Variants in ARFGEF1 observed in about 807,000 individuals in gnomAD.
ARFGEF1 encodes brefeldin A-inhibited guanine nucleotide-exchange protein 1.
Under a neutral mutation model 231.0 loss-of-function variants are expected in ARFGEF1, and 42 were observed. The ratio of observed to expected loss-of-function variants is 0.18; its 90% CI spans 0.14 to 0.24. ARFGEF1 has a LOEUF of 0.24. Ranked by LOEUF, ARFGEF1 falls within the 10% of genes least tolerant of loss-of-function variation. ARFGEF1 has a pLI of 1.00. For synonymous variants in ARFGEF1, 710 were observed against 732.3 expected, an observed-to-expected ratio of 0.97 and a Z score of 0.49; for missense variants, 1,345 against 2,192.0, an observed-to-expected ratio of 0.61 and a Z score of 7.72.
At chr8:67,288,233 C>T (rs1177475514) in intron 6 of ARFGEF1, among the ~76,000 whole-genome samples, 168 bp from the exon 7 acceptor site, 1 of 151,610 alleles carries the variant, frequency 6.6e-6, no homozygotes. Context: ...AAATGTATAC[C>T]AAAACTTAAA....
At chr8:67,183,906 G>A (rs1160586428) in intron 5 of ARFGEF1, among the ~76,000 whole-genome samples, 5 of 143,118 alleles carry the variant, frequency 3.5e-5, no homozygotes, top group South Asian at 2.2e-4. Flanking sequence ...AGGCTGGAGC[G>A]TGATGGCGTG....
chr8:67,216,429 G>A (rs74511522), intron 33 of ARFGEF1, among the ~76,000 whole-genome samples, 161 bp downstream of exon 33: 1,659 of 151,634 alleles, frequency 0.011, 30 homozygotes, highest in African/African-American at 0.038. Context: ...CCCAGCCTTC[G>A]TAATTGTAAA....
At chr8:67,257,680 A>C in intron 17 of ARFGEF1, 52 bp downstream of exon 17, 5 of 1,325,256 alleles carry the variant, frequency 3.8e-6, no homozygotes, top group Non-Finnish European at 5.3e-6. Context: ...ATTCAGAATA[A>C]TGTACTTATT....
intron 5 of ARFGEF1, among the ~76,000 whole-genome samples, chr8:67,176,439 T>C (rs1831655135): frequency 6.6e-6 from 1 of 152,180 alleles, no homozygotes; most frequent in Non-Finnish European, 1.5e-5. Context: ...TAAACATTTG[T>C]ATAGGGATTG....
intron 29 of ARFGEF1, among the ~76,000 whole-genome samples, chr8:67,221,553 TGTGTTTTAAGCTAA>T (rs1312453099): frequency 2.0e-5 from 3 of 152,136 alleles, no homozygotes; most frequent in Non-Finnish European, 2.9e-5. Flanking sequence ...AGCTGTACAA[TGTGTTTTAAGCTAA>T]GTGTTAATAT....
intron 37 of ARFGEF1, among the ~76,000 whole-genome samples, chr8:67,201,261 T>C (rs1838317528): frequency 6.6e-6 from 1 of 152,224 alleles, no homozygotes; most frequent in South Asian, 2.1e-4. Flanking sequence ...AAACCTCCTT[T>C]GTCCTGCATG....
chr8:67,298,990 G>T (rs1806360870), intron 4 of ARFGEF1, among the ~76,000 whole-genome samples: 1 of 152,006 alleles, frequency 6.6e-6, no homozygotes, highest in South Asian at 2.1e-4. Context: ...CACCATGTTG[G>T]CCAGGCTGCT....
intron 7 of ARFGEF1, among the ~76,000 whole-genome samples, chr8:67,279,864 GTAT>G (rs934172153): frequency 6.6e-6 from 1 of 152,098 alleles, no homozygotes; most frequent in South Asian, 2.1e-4. Flanking sequence ...AATACAGTTA[GTAT>G]TATTAACTGT....
At chr8:67,334,299 AAAC>A (rs1264478386) in intron 1 of ARFGEF1, among the ~76,000 whole-genome samples, 3 of 151,838 alleles carry the variant, frequency 2.0e-5, no homozygotes, top group African/African-American at 7.3e-5. Flanking sequence ...AAAAAAAAAA[AAAC>A]AAAATTGAAA....
At chr8:67,181,755 AACCACCACT>A (rs1833104846) in intron 5 of ARFGEF1, among the ~76,000 whole-genome samples, 1 of 152,206 alleles carries the variant, frequency 6.6e-6, no homozygotes, top group Non-Finnish European at 1.5e-5. Context: ...TCTATTGTGC[AACCACCACT>A]ATCATCCATC....
At position 67,296,605 on chromosome 8, in the gene ARFGEF1, T is replaced by C. The variant is rs761163903; in HGVS notation, c.465A>G (p.Leu155=). The change falls in exon 5 of 39, where the codon TTA becomes TTG. Residue 155 remains leucine, a synonymous_variant. Transcript: ENST00000262215. ...TGTGTTGTGATGTTACTGCAGTAAG[T>C]AAAGCCTTTAAGAAAAAAAAAGGAA... The part of the protein sequence containing the change: ...EGVQLQIIKA[L]LTAVTSQHIE... 3 of 1,580,114 alleles carry C rather than the reference T, an allele frequency of 1.9e-6. No individual in the cohort carries two copies. The highest frequency in any genetic ancestry group is 1.9e-5 in the Admixed American group (1 of 51,522).
At chr8:67,337,706 T>C (rs1808413391) in intron 1 of ARFGEF1, among the ~76,000 whole-genome samples, 1 of 152,220 alleles carries the variant, frequency 6.6e-6, no homozygotes, top group South Asian at 2.1e-4. Flanking sequence ...ATGTCACTTC[T>C]TTGCTCAAAT....
At chr8:67,247,283 C>T (rs1374688774) in intron 19 of ARFGEF1, among the ~76,000 whole-genome samples, 2 of 149,664 alleles carry the variant, frequency 1.3e-5, no homozygotes, top group African/African-American at 2.5e-5. Flanking sequence ...GACAAAGACA[C>T]ATTAAAAAAA....
At position 67,249,201 on chromosome 8, in the gene ARFGEF1, G is replaced by A. The variant is rs188278489; in HGVS notation, c.2850+2098C>T. Among the ~76,000 whole-genome samples the A allele has an allele frequency of 3.8e-4, 57 of 150,052 alleles. 2 individuals are homozygous for A. Among genetic ancestry groups the A allele is most frequent in the African/African-American group, 1.3e-3 (52 of 40,110 alleles). Reference sequence around the variant, plus strand: ...ACAATGGTTCAACTTACCATTTTTTGACTTTACAATATATTCATACAACTA... The same window carrying A: ...ACAATGGTTCAACTTACCATTTTTTAACTTTACAATATATTCATACAACTA... On this transcript the variant is annotated intron_variant, in intron 19 of 38. Transcript: ENST00000262215.
At chr8:67,232,828 G>A (rs1839598999) in intron 23 of ARFGEF1, 27 bp downstream of exon 23, 1 of 1,528,752 alleles carries the variant, frequency 6.5e-7, no homozygotes, top group Non-Finnish European at 8.9e-7. Flanking sequence ...GTAATCATCT[G>A]AAAAGGGAAT....
In ARFGEF1 at chr8:67,242,805, T is replaced by A. The variant is rs189559972; in HGVS notation, c.2851-2515A>T. On this transcript the variant is annotated intron_variant, in intron 19 of 38. Transcript: ENST00000262215. ...GAAGCCCACTGCCCTGAAGGGTGAG[T>A]CCCGGCCTGGCAGCATTCAAGACAA... 6.6e-5 allele frequency among the ~76,000 whole-genome samples: 10 copies of A among 152,138 alleles called. No individual in the cohort carries two copies. In the East Asian group the frequency reaches 1.5e-3, roughly 23 times the overall value.
intron 9 of ARFGEF1, among the ~76,000 whole-genome samples, chr8:67,273,643 T>C (rs1456944210): frequency 6.6e-6 from 1 of 152,028 alleles, no homozygotes; most frequent in African/African-American, 2.4e-5. Context: ...CTGGAGCCAA[T>C]AATATTATGG....
At chr8:67,272,361 T>C (rs762361076) in intron 9 of ARFGEF1, among the ~76,000 whole-genome samples, 1 of 151,948 alleles carries the variant, frequency 6.6e-6, no homozygotes, top group Non-Finnish European at 1.5e-5. Flanking sequence ...AGAGATGGGG[T>C]TTCACGGTGT....
chr8:67,268,770 T>C (rs1227819875), intron 10 of ARFGEF1, among the ~76,000 whole-genome samples: 1 of 152,238 alleles, frequency 6.6e-6, no homozygotes, highest in Non-Finnish European at 1.5e-5. Context: ...TGCATACTAT[T>C]GTCTTTGAAA....
Sources: allele counts gnomAD v4.1 joint callset (sites outside exome capture counted in the v4.1 genomes callset), GRCh38; gene constraint gnomAD v4.1.1; transcripts MANE v1.5; gene names NCBI Gene and HGNC (gene_info 2026-07-23, HGNC 2026-07-21).